The following NLGN4X variants were observed in gnomAD, a reference collection of about 807,000 sequenced individuals.
NLGN4X encodes neuroligin-4, X-linked.
Under a neutral mutation model 40.3 loss-of-function variants are expected in NLGN4X, and 3 were observed. The ratio of observed to expected loss-of-function variants is 0.07; its 90% CI spans 0.03 to 0.19. The LOEUF is 0.19. Among genes scored for constraint, NLGN4X ranks in the 10% least tolerant of loss-of-function variants. The probability of loss-of-function intolerance (pLI) is 1.00; values close to 1 mark genes in which losing one functional copy is unlikely to be tolerated. For missense variants in NLGN4X, 382 were observed against 708.3 expected, an observed-to-expected ratio of 0.54 and a Z score of 5.23; for synonymous variants, 270 against 306.8, an observed-to-expected ratio of 0.88 and a Z score of 1.25.
At chrX:6,120,059 T>C (rs2039388409) in intron 2 of NLGN4X, among the ~76,000 whole-genome samples, 1 of 111,462 alleles carries the variant, frequency 9.0e-6, no homozygotes. Flanking sequence ...GGAGTGTGCC[T>C]GTAATCCCAG....
chrX:6,035,495 TA>T (rs773987649), intron 2 of NLGN4X, among the ~76,000 whole-genome samples: 6 of 111,934 alleles, frequency 5.4e-5, no homozygotes, highest in Admixed American at 1.9e-4. Context: ...CAATAAGAGG[TA>T]AGAGTTGAAA....
chrX:5,945,709 G>A (rs12858700), intron 3 of NLGN4X, among the ~76,000 whole-genome samples: 12,574 of 110,272 alleles, frequency 0.11, 582 homozygotes, highest in African/African-American at 0.13. Flanking sequence ...TCTTATAAAC[G>A]GAAGCTAAAG....
intron 4 of NLGN4X, among the ~76,000 whole-genome samples, chrX:5,905,886 G>C (rs1184071274): frequency 9.0e-6 from 1 of 111,566 alleles, no homozygotes; most frequent in Non-Finnish European, 1.9e-5. Context: ...TGAACTCCTG[G>C]ACTCAAGCAA....
intron 1 of NLGN4X, among the ~76,000 whole-genome samples, chrX:6,211,663 A>T (rs1924617800): frequency 8.9e-6 from 1 of 111,892 alleles, no homozygotes. Context: ...TATAGACTCT[A>T]ATATTGGTAC....
At chrX:5,944,754 A>G (rs1022674546) in intron 3 of NLGN4X, among the ~76,000 whole-genome samples, 3 of 111,370 alleles carry the variant, frequency 2.7e-5, no homozygotes, top group African/African-American at 9.8e-5. Context: ...CAAAAGAAAA[A>G]TACTATTTGA....
At chrX:5,960,135 T>C (rs1393486653) in intron 3 of NLGN4X, among the ~76,000 whole-genome samples, 2 of 111,242 alleles carry the variant, frequency 1.8e-5, no homozygotes, top group Non-Finnish European at 3.8e-5. Flanking sequence ...TCAGTTATAG[T>C]ATATCAATTA....
chrX:6,014,384 A>T (rs758816594), intron 3 of NLGN4X, among the ~76,000 whole-genome samples: 1 of 111,957 alleles, frequency 8.9e-6, no homozygotes, highest in African/African-American at 3.2e-5. Flanking sequence ...TCTCTCTTTG[A>T]ATGTGAACAC....
chrX:6,086,823 G>C (rs1307254892), intron 2 of NLGN4X, among the ~76,000 whole-genome samples: 1 of 110,518 alleles, frequency 9.0e-6, no homozygotes, highest in African/African-American at 3.3e-5. Context: ...TTGTAGAGAA[G>C]GGATCTCATT....
chrX:6,055,366 G>A (rs137957665), intron 2 of NLGN4X, among the ~76,000 whole-genome samples: 147 of 111,947 alleles, frequency 1.3e-3, no homozygotes, highest in African/African-American at 4.5e-3. Context: ...GGCCATGGTG[G>A]CATCTGTAGT....
chrX:5,940,963 T>C (rs1315111653), intron 3 of NLGN4X, among the ~76,000 whole-genome samples: 1 of 107,852 alleles, frequency 9.3e-6, no homozygotes, highest in African/African-American at 3.4e-5. Flanking sequence ...AAAAAAAAAG[T>C]TTTTTCAAAA....
intron 1 of NLGN4X, among the ~76,000 whole-genome samples, chrX:6,168,043 T>C (rs1368356797): frequency 8.9e-6 from 1 of 112,336 alleles, no homozygotes; most frequent in Non-Finnish European, 1.9e-5. Context: ...AATGCTTTCC[T>C]TGGCTATTTC....
chrX:5,970,369 T>C (rs1050154340), intron 3 of NLGN4X, among the ~76,000 whole-genome samples: 1 of 111,320 alleles, frequency 9.0e-6, no homozygotes, highest in Non-Finnish European at 1.9e-5. Context: ...AAGGAATTTA[T>C]TCCCTGCAGG....
intron 3 of NLGN4X, among the ~76,000 whole-genome samples, chrX:5,964,937 A>G (rs1413995920): frequency 8.9e-6 from 1 of 112,475 alleles, no homozygotes; most frequent in Non-Finnish European, 1.9e-5. Context: ...GGTTTTCATC[A>G]TAATAGTTAA....
At chrX:5,991,549 G>C in intron 3 of NLGN4X, 1 of 505,553 alleles carries the variant, frequency 2.0e-6, no homozygotes, top group Non-Finnish European at 3.7e-6. Context: ...TAGGACAGGT[G>C]AGGGCCTGAC....
chrX:6,096,064 A>T (rs146411322), intron 2 of NLGN4X, among the ~76,000 whole-genome samples: 1 of 112,284 alleles, frequency 8.9e-6, no homozygotes, highest in African/African-American at 3.2e-5. Flanking sequence ...AGCTGTCTGT[A>T]GGTACAAAAT....
chrX:6,175,801 C>G (rs1220439485), intron 1 of NLGN4X, among the ~76,000 whole-genome samples: 1 of 110,356 alleles, frequency 9.1e-6, no homozygotes, highest in Non-Finnish European at 1.9e-5. Flanking sequence ...TCCTCACCTC[C>G]CCCTCCCATC....
intron 1 of NLGN4X, among the ~76,000 whole-genome samples, chrX:6,217,834 C>A (rs1329843315): frequency 2.7e-5 from 3 of 111,478 alleles, no homozygotes; most frequent in Non-Finnish European, 5.6e-5. Flanking sequence ...GCATGAGGGG[C>A]CTTGTCTTGA....
chrX:6,025,818 C>G (rs998461806), intron 3 of NLGN4X, among the ~76,000 whole-genome samples: 1 of 107,218 alleles, frequency 9.3e-6, no homozygotes, highest in East Asian at 2.9e-4. Context: ...GCAGGAGAAG[C>G]GCTTGGACCC....
intron 3 of NLGN4X, among the ~76,000 whole-genome samples, chrX:5,984,812 T>C (rs1200949766): frequency 8.9e-6 from 1 of 112,005 alleles, no homozygotes; most frequent in Non-Finnish European, 1.9e-5. Context: ...TAAAGACACA[T>C]TTAGCCATGC....
Sources: gnomAD v4.1 joint callset for allele counts (sites outside exome capture counted in the v4.1 genomes callset) on GRCh38, gnomAD v4.1.1 for gene constraint, MANE v1.5 for transcripts, NCBI Gene and HGNC (gene_info 2026-07-23, HGNC 2026-07-21) for gene names.